RIMS2: variants seen among roughly 807,000 people sequenced by gnomAD.
RIMS2 encodes regulating synaptic membrane exocytosis 2.
In RIMS2, 59 loss-of-function variants were observed where a neutral mutation model predicts 174.4. The ratio of observed to expected loss-of-function variants is 0.34; its 90% CI spans 0.27 to 0.42. The LOEUF is 0.42. RIMS2 is among the 10% of genes least tolerant of loss of function. The pLI is 1.00. For synonymous variants in RIMS2, 606 were observed against 572.5 expected, an observed-to-expected ratio of 1.06 and a Z score of -0.84; for missense variants, 1,620 against 1,666.3, an observed-to-expected ratio of 0.97 and a Z score of 0.48.
chr8:103,583,891 TG>T (rs1377596868), intron 1 of RIMS2, among the ~76,000 whole-genome samples: 1 of 151,152 alleles, frequency 6.6e-6, no homozygotes, highest in Non-Finnish European at 1.5e-5. Flanking sequence ...ATCACGTGAG[TG>T]GGGGAAAAAC....
At chr8:104,243,717 A>G (rs1280867190) in intron 19 of RIMS2, among the ~76,000 whole-genome samples, 1 of 152,150 alleles carries the variant, frequency 6.6e-6, no homozygotes, top group Non-Finnish European at 1.5e-5. Context: ...ACCAGCCACT[A>G]AAAGAGCTAA....
chr8:103,766,613 A>G (rs2098174369), intron 3 of RIMS2, 76 bp downstream of exon 6: 2 of 970,202 alleles, frequency 2.1e-6, no homozygotes, highest in Admixed American at 5.2e-5. Context: ...CAATACATGA[A>G]ATGTTTAGGC....
chr8:103,963,327 T>G (rs1047284105), intron 15 of RIMS2, among the ~76,000 whole-genome samples: 3 of 152,190 alleles, frequency 2.0e-5, no homozygotes, highest in Non-Finnish European at 4.4e-5. Flanking sequence ...AATCTATTGA[T>G]AGTTTGTTGC....
At chr8:104,029,761 T>G (rs2096347017) in intron 19 of RIMS2, among the ~76,000 whole-genome samples, 1 of 152,142 alleles carries the variant, frequency 6.6e-6, no homozygotes, top group Non-Finnish European at 1.5e-5. Flanking sequence ...ACATCACAAA[T>G]TTATGAAATG....
At chr8:104,159,741 A>G (rs1322792194) in intron 19 of RIMS2, among the ~76,000 whole-genome samples, 1 of 152,130 alleles carries the variant, frequency 6.6e-6, no homozygotes, top group Non-Finnish European at 1.5e-5. Context: ...AACACTGTTT[A>G]TTGGAGACCT....
chr8:103,678,005 G>A (rs775062400), intron 1 of RIMS2, among the ~76,000 whole-genome samples: 9 of 152,106 alleles, frequency 5.9e-5, no homozygotes, highest in Non-Finnish European at 8.8e-5. Context: ...CATCCATTTA[G>A]GTTACAGTTC....
intron 19 of RIMS2, among the ~76,000 whole-genome samples, chr8:104,235,595 C>T (rs1469380995): frequency 2.0e-5 from 3 of 151,888 alleles, no homozygotes; most frequent in Non-Finnish European, 4.4e-5. Flanking sequence ...AATGAACATC[C>T]ACTACATAGA....
chr8:103,510,899 T>C (rs1215748089), intron 1 of RIMS2, among the ~76,000 whole-genome samples: 2 of 152,198 alleles, frequency 1.3e-5, no homozygotes, highest in Non-Finnish European at 2.9e-5. Flanking sequence ...ATTCTCCTTA[T>C]GACATTCCTC....
chr8:103,740,481 G>A (rs1382275830), intron 2 of RIMS2, among the ~76,000 whole-genome samples: 3 of 152,140 alleles, frequency 2.0e-5, no homozygotes, highest in Non-Finnish European at 4.4e-5. Flanking sequence ...TTAGCTCAAT[G>A]GAAGATGGTT....
At chr8:103,582,239 C>T (rs2093660436) in intron 1 of RIMS2, among the ~76,000 whole-genome samples, 1 of 152,094 alleles carries the variant, frequency 6.6e-6, no homozygotes, top group Non-Finnish European at 1.5e-5. Flanking sequence ...GCATTCATCA[C>T]CTGCTAATTG....
At chr8:103,632,490 G>A (rs890513943) in intron 1 of RIMS2, among the ~76,000 whole-genome samples, 4 of 151,872 alleles carry the variant, frequency 2.6e-5, no homozygotes, top group African/African-American at 9.7e-5. Flanking sequence ...GTGTGATCTC[G>A]GCTCACTGCA....
At chr8:104,000,966 TCCCTTG>T (rs1341040482) in intron 17 of RIMS2, among the ~76,000 whole-genome samples, 1 of 151,922 alleles carries the variant, frequency 6.6e-6, no homozygotes, top group Non-Finnish European at 1.5e-5. Flanking sequence ...TGTTTATTAA[TCCCTTG>T]TTGGAAGAAT....
Position 103,834,156 on chromosome 8 carries a change from T to C in RIMS2, c.699-51142T>C, listed in dbSNP as rs988458641. On this transcript the variant is annotated intron_variant, in intron 3 of 23. Coordinates refer to ENST00000504942, the Ensembl canonical transcript of RIMS2. ...TTCTGAGTAGCTGGAACTACAGGCA[T>C]GCATCATTTTTTTAAAAAATTTTTT... 7.2e-5 allele frequency among the ~76,000 whole-genome samples: 11 copies of C among 152,148 alleles called. No individual in the cohort carries two copies. The East Asian group carries it at 1.7e-3, about 24-fold the overall frequency.
intron 1 of RIMS2, among the ~76,000 whole-genome samples, chr8:103,576,983 C>T (rs957069878): frequency 1.3e-5 from 2 of 152,102 alleles, no homozygotes; most frequent in Non-Finnish European, 2.9e-5. Flanking sequence ...TAGAAGAAAA[C>T]CTAGACAATA....
chr8:103,654,983 A>G (rs1380846095), intron 1 of RIMS2, among the ~76,000 whole-genome samples: 1 of 151,908 alleles, frequency 6.6e-6, no homozygotes, highest in Non-Finnish European at 1.5e-5. Context: ...GCGGTTGTTG[A>G]AAAATCTAAT....
intron 4 of RIMS2, among the ~76,000 whole-genome samples, chr8:103,909,777 T>A (rs1012040175): frequency 6.6e-6 from 1 of 152,008 alleles, no homozygotes; most frequent in Non-Finnish European, 1.5e-5. Context: ...GTAAAAAAAA[T>A]ATATGGCATG....
chr8:104,044,330 C>T (rs760288901), intron 19 of RIMS2, among the ~76,000 whole-genome samples: 1 of 151,396 alleles, frequency 6.6e-6, no homozygotes, highest in Non-Finnish European at 1.5e-5. Context: ...AGGAATGAAC[C>T]ATGTAATTTA....
At chr8:103,876,911 C>CACAG (rs1554922614) in intron 3 of RIMS2, among the ~76,000 whole-genome samples, 1 of 45,580 alleles carries the variant, frequency 2.2e-5, no homozygotes, top group Non-Finnish European at 5.2e-5. Context: ...TATATATATA[C>CACAG]ACACACACCC....
At chr8:104,115,899 T>C (rs886546327) in intron 19 of RIMS2, among the ~76,000 whole-genome samples, 3 of 152,170 alleles carry the variant, frequency 2.0e-5, no homozygotes, top group African/African-American at 7.2e-5. Context: ...ATGTTATCTT[T>C]GTAAACAACT....
Sources: gnomAD v4.1 joint callset for allele counts (sites outside exome capture counted in the v4.1 genomes callset) on GRCh38, gnomAD v4.1.1 for gene constraint, MANE v1.5 for transcripts, NCBI Gene and HGNC (gene_info 2026-07-23, HGNC 2026-07-21) for gene names.